The following DLGAP2 variants were observed in gnomAD, a reference collection of about 807,000 sequenced individuals.
DLGAP2 encodes DLG associated protein 2.
DLGAP2 carries 26 observed loss-of-function variants against 100.3 expected under a neutral mutation model. That is an observed-to-expected ratio of 0.26 (90% CI 0.19 to 0.36). DLGAP2 has a LOEUF of 0.36. Ranked by LOEUF, DLGAP2 falls within the 10% of genes least tolerant of loss-of-function variation. The probability of loss-of-function intolerance (pLI) is 1.00; values close to 1 mark genes in which losing one functional copy is unlikely to be tolerated. For synonymous variants in DLGAP2, 886 were observed against 630.1 expected, an observed-to-expected ratio of 1.41 and a Z score of -6.08; for missense variants, 1,858 against 1,453.2, an observed-to-expected ratio of 1.28 and a Z score of -4.53.
chr8:1,172,835 T>C (rs1797158475), intron 2 of DLGAP2, among the ~76,000 whole-genome samples: 1 of 152,230 alleles, frequency 6.6e-6, no homozygotes, highest in African/African-American at 2.4e-5. Flanking sequence ...TTGAATTTCC[T>C]CCTGTAGCTC....
At chr8:1,613,706 T>TA (rs1797057370) in intron 6 of DLGAP2, among the ~76,000 whole-genome samples, 1 of 152,106 alleles carries the variant, frequency 6.6e-6, no homozygotes, top group Non-Finnish European at 1.5e-5. Flanking sequence ...GGGAGAGTAG[T>TA]TTAACAGCAG....
At chr8:1,094,914 G>C (rs145017346) in intron 2 of DLGAP2, among the ~76,000 whole-genome samples, 1 of 152,170 alleles carries the variant, frequency 6.6e-6, no homozygotes, top group Non-Finnish European at 1.5e-5. Flanking sequence ...TTTTCCTGAG[G>C]GTTTAGTTTA....
chr8:1,424,821 C>T (rs557657303), intron 3 of DLGAP2, among the ~76,000 whole-genome samples: 30 of 152,198 alleles, frequency 2.0e-4, no homozygotes, highest in Non-Finnish European at 3.2e-4. Flanking sequence ...ATACGCAGCA[C>T]CTGGAGGAGT....
intron 3 of DLGAP2, among the ~76,000 whole-genome samples, chr8:1,423,336 C>T (rs1350285982): frequency 2.6e-5 from 4 of 152,086 alleles, no homozygotes; most frequent in Admixed American, 1.3e-4. Flanking sequence ...CCGGGCAGCT[C>T]AGGTGGAGGC....
At chr8:1,619,466 A>G (rs564841143) in intron 6 of DLGAP2, among the ~76,000 whole-genome samples, 2 of 152,164 alleles carry the variant, frequency 1.3e-5, no homozygotes, top group African/African-American at 2.4e-5. Flanking sequence ...TTTCTGTTTC[A>G]TTTCTATGTA....
intron 8 of DLGAP2, among the ~76,000 whole-genome samples, chr8:1,637,068 C>T (rs746614165): frequency 6.6e-6 from 1 of 152,188 alleles, no homozygotes; most frequent in African/African-American, 2.4e-5. Context: ...CGCCGGCTGG[C>T]TCCGCAGGCA....
chr8:835,161 C>T (rs1189137868), intron 1 of DLGAP2, among the ~76,000 whole-genome samples: 2 of 152,136 alleles, frequency 1.3e-5, no homozygotes, highest in African/African-American at 4.8e-5. Flanking sequence ...TCGTCTGGTA[C>T]TATGCACTGA....
At chr8:759,064 C>T (rs1820995770) in intron 1 of DLGAP2, among the ~76,000 whole-genome samples, 3 of 129,556 alleles carry the variant, frequency 2.3e-5, no homozygotes, top group East Asian at 2.3e-4. Flanking sequence ...ACAACCTTCC[C>T]ATTATCAATA....
intron 2 of DLGAP2, among the ~76,000 whole-genome samples, chr8:987,589 A>T (rs1326784203): frequency 6.6e-6 from 1 of 152,192 alleles, no homozygotes; most frequent in Non-Finnish European, 1.5e-5. Flanking sequence ...GCCAGCAAAC[A>T]AAATAGACAA....
intron 3 of DLGAP2, among the ~76,000 whole-genome samples, chr8:1,323,009 A>T (rs912966110): frequency 6.6e-6 from 1 of 151,424 alleles, no homozygotes; most frequent in Non-Finnish European, 1.5e-5. Flanking sequence ...TGCTTAGTAG[A>T]TGTTGACACT....
At chr8:867,097 G>A (rs922162657) in intron 1 of DLGAP2, among the ~76,000 whole-genome samples, 1 of 152,220 alleles carries the variant, frequency 6.6e-6, no homozygotes, top group Non-Finnish European at 1.5e-5. Context: ...TGATTCGTGT[G>A]CCGCCTACCG....
Position 969,339 on chromosome 8 carries a change from G to A in DLGAP2, c.73+61373G>A, listed in dbSNP as rs1189618484. On this transcript the variant is annotated intron_variant, in intron 2 of 14. Transcript: ENST00000637795. ...ACACACTCTGCAGATCTTGGGACTC[G>A]TCACCCTCCATGCGCGAGTGAGCCA... Among the ~76,000 whole-genome samples the A allele has an allele frequency of 4.6e-5, 7 of 152,174 alleles. No homozygotes were observed. In the East Asian group the frequency reaches 1.2e-3, roughly 25 times the overall value.
At chr8:1,641,979 C>T (rs549168772) in intron 8 of DLGAP2, among the ~76,000 whole-genome samples, 1 of 68,948 alleles carries the variant, frequency 1.5e-5, no homozygotes, top group Non-Finnish European at 2.6e-5. Flanking sequence ...CCCCGCCGGT[C>T]CCCACCTGTG....
intron 3 of DLGAP2, among the ~76,000 whole-genome samples, chr8:1,463,500 G>T (rs139882944): frequency 2.6e-5 from 4 of 152,198 alleles, no homozygotes; most frequent in Non-Finnish European, 4.4e-5. Flanking sequence ...AGGCAGCCTC[G>T]GGTATGGTTG....
intron 3 of DLGAP2, among the ~76,000 whole-genome samples, chr8:1,267,332 C>G (rs572736291): frequency 1.3e-5 from 2 of 150,946 alleles, no homozygotes; most frequent in African/African-American, 4.9e-5. Context: ...TTTGGGAGGC[C>G]GAGGCGGTGG....
At chr8:1,652,082 A>G (rs759270833) in intron 8 of DLGAP2, among the ~76,000 whole-genome samples, 1 of 152,208 alleles carries the variant, frequency 6.6e-6, no homozygotes, top group African/African-American at 2.4e-5. Context: ...ACTCTTTAAC[A>G]TGCAGGTGTA....
At chr8:1,251,362 G>A (rs6994628) in intron 2 of DLGAP2, among the ~76,000 whole-genome samples, 132,067 of 152,304 alleles carry the variant, frequency 0.87, 57,430 homozygotes, top group Middle Eastern at 0.94. Flanking sequence ...AGAGTGTTTT[G>A]CCTTTTGCTC....
chr8:771,320 G>A (rs938533532), intron 1 of DLGAP2, among the ~76,000 whole-genome samples: 2 of 152,196 alleles, frequency 1.3e-5, no homozygotes, highest in Non-Finnish European at 2.9e-5. Context: ...AAAGGATCGA[G>A]GGACCTCTGT....
intron 2 of DLGAP2, among the ~76,000 whole-genome samples, chr8:1,237,298 G>C (rs1469963402): frequency 8.2e-6 from 1 of 121,988 alleles, no homozygotes; most frequent in Non-Finnish European, 1.6e-5. Context: ...GTCATGTCTA[G>C]TTCTGTCTCA....
Sources: gnomAD v4.1 joint callset for allele counts (sites outside exome capture counted in the v4.1 genomes callset) on GRCh38, gnomAD v4.1.1 for gene constraint, MANE v1.5 for transcripts, NCBI Gene and HGNC (gene_info 2026-07-23, HGNC 2026-07-21) for gene names.